Variants in MAP3K6 observed in about 807,000 individuals in gnomAD.
MAP3K6 encodes apoptosis signal-regulating kinase 2.
MAP3K6 carries 105 observed loss-of-function variants against 147.1 expected under a neutral mutation model. The observed-to-expected ratio is 0.71, with a 90% CI of 0.61 to 0.84. MAP3K6 has a LOEUF of 0.84. MAP3K6 is among the 40% of genes least tolerant of loss of function. The pLI is 0.00. For synonymous variants in MAP3K6, 695 were observed against 732.4 expected (o/e 0.95, Z 0.82); for missense variants, 1,569 against 1,715.0 (o/e 0.91, Z 1.50).
In MAP3K6 at chr1:27,356,597, T is replaced by C. The variant is rs749748588; in HGVS notation, c.3517A>G (p.Thr1173Ala). 4 of 1,612,648 alleles carry C rather than the reference T, an allele frequency of 2.5e-6. No individual in the cohort carries two copies. The highest frequency in any genetic ancestry group is 3.4e-6 in the Non-Finnish European group (4 of 1,179,296). The change falls in exon 25 of 29, where the codon ACT becomes GCT. Residue 1173 changes from threonine (T) to alanine (A), a missense_variant. Thr to Ala is a moderately conservative substitution (Grantham distance 58). Coordinates refer to ENST00000357582, the MANE Select transcript of MAP3K6 (RefSeq NM_004672.5). Reference sequence around the variant, plus strand: ...GATTCCAAGGGGCTTTACCGATCAGTCTCTGCCCTCAAGAGGCTCAGCTGC... The same window carrying C: ...GATTCCAAGGGGCTTTACCGATCAGCCTCTGCCCTCAAGAGGCTCAGCTGC... ...MVQLSLLRAE[T>A]DRLREILAGK... is the part of the protein sequence containing the mutation.
intron 27 of MAP3K6, 110 bp from the exon 28 acceptor site, chr1:27,355,855 C>T: frequency 7.6e-6 from 9 of 1,191,072 alleles, no homozygotes; most frequent in Non-Finnish European, 1.1e-5. Context: ...AGGCAGATCA[C>T]ACCCTTCTGG....
At position 27,360,691 on chromosome 1, in the gene MAP3K6, G is replaced by A. The variant is rs751950539; in HGVS notation, c.2054+14C>T. 4 of 1,607,854 alleles carry A rather than the reference G, an allele frequency of 2.5e-6. No individual in the cohort carries two copies. Among genetic ancestry groups the A allele is most frequent in the Non-Finnish European group, 3.4e-6 (4 of 1,177,848 alleles). On this transcript the variant is annotated intron_variant, in intron 15 of 28. Coordinates refer to ENST00000357582, the MANE Select transcript of MAP3K6 (RefSeq NM_004672.5). The surrounding 1 kb of genome is among the most constrained non-coding windows in gnomAD (Gnocchi z 4.5). ...GCGAGCCCTCAGCCCCACCCGCGCT[G>A]CCACGCACCGCACCTGCTGTCCCGC... is the stretch of plus-strand genomic sequence containing the variant.
chr1:27,361,444 G>T (rs1290328441), intron 11 of MAP3K6, 49 bp from the exon 12 acceptor site: 3 of 1,610,762 alleles, frequency 1.9e-6, no homozygotes, highest in South Asian at 2.2e-5. Context: ...ACAGGAGAGG[G>T]GTCTGAGGAT....
At chr1:27,365,916 C>T (rs1241011288) in intron 1 of MAP3K6, among the ~76,000 whole-genome samples, 1 of 151,568 alleles carries the variant, frequency 6.6e-6, no homozygotes, top group Non-Finnish European at 1.5e-5. Context: ...TGAGACACCA[C>T]AGCCCCGCGC....
chr1:27,362,688 A>G lies in MAP3K6; in HGVS notation c.1208T>C (p.Ile403Thr), dbSNP rs759167316. 1.3e-5 allele frequency: 21 copies of G among 1,608,364 alleles called. No homozygotes were observed. The East Asian group carries it at 4.5e-4, about 34-fold the overall frequency. ...ATCCTCAAAGTGCTGCCCGGCAGCA[A>G]TGAGGAGCACAGCTGCATTGATGCC... is the stretch of plus-strand genomic sequence containing the variant. ...HSGINAAVLL[I>T]AAGQHFEDSK... The change falls in exon 8 of 29, where the codon ATT (isoleucine) becomes ACT (threonine). Residue 403 changes from isoleucine (I) to threonine (T), a missense_variant. Physicochemically the swap from Ile to Thr is moderately conservative, Grantham distance 89. Coordinates refer to ENST00000357582, the MANE Select transcript of MAP3K6 (RefSeq NM_004672.5).
chr1:27,366,499 C>T lies in MAP3K6; in HGVS notation c.99G>A (p.Ala33=). ...TCCGCGCGCAGCCCCGGCCCGGGGGCGCCGCGAGCTGCCGGCCCCGGCTCA... is the reference window on the plus strand; with the variant it reads ...TCCGCGCGCAGCCCCGGCCCGGGGGTGCCGCGAGCTGCCGGCCCCGGCTCA... ...VALSRGRQLA[A]PPGRGCARSR... Residue 33 remains alanine (A), a synonymous_variant, in exon 1 of 29, where the codon GCG becomes GCA. Coordinates refer to ENST00000357582, the MANE Select transcript of MAP3K6 (RefSeq NM_004672.5). The surrounding 1 kb of genome is among the most constrained non-coding windows in gnomAD (Gnocchi z 5.5). 8.9e-7 allele frequency: 1 copy of T among 1,123,142 alleles called. No homozygotes were observed. The highest frequency in any genetic ancestry group is 1.1e-6 in the Non-Finnish European group (1 of 919,458). The allele number at this position is 1,123,142 out of a possible 1,614,324, so 69.6% of individuals were successfully genotyped here.
intron 8 of MAP3K6, 108 bp downstream of exon 8, chr1:27,362,533 T>C: frequency 2.2e-6 from 2 of 918,340 alleles, no homozygotes; most frequent in Non-Finnish European, 3.3e-6. Flanking sequence ...CAGTCCAAAA[T>C]GGATGAGCTC....
rs762245193 is a variant in MAP3K6, at chr1:27,361,511, C to T, written c.1686+9G>A. ...AAAGGTGAGTGAGGGGCCTCAGCAG[C>T]GACTTCACCTGGGTCTCAGGCTCCA... On this transcript the variant is annotated intron_variant, in intron 11 of 28. Coordinates refer to ENST00000357582, the MANE Select transcript of MAP3K6 (RefSeq NM_004672.5). 24 of 1,613,876 alleles carry T rather than the reference C, an allele frequency of 1.5e-5. No individual in the cohort carries two copies. Among genetic ancestry groups the T allele is most frequent in the Middle Eastern group, 3.3e-4 (2 of 6,060 alleles).
chr1:27,364,385 C>A lies in MAP3K6; in HGVS notation c.514G>T (p.Gly172Cys). 6.2e-7 allele frequency: 1 copy of A among 1,613,942 alleles called. No homozygotes were observed. ...ACATAGGGGATCAGTGTGTAGCTGC[C>A]AACGCAATCCTGGTGGGAGGGAGGC... ...DVFQKNSDCV[G>C]SYTLIPYVVT... Residue 172 changes from glycine (G) to cysteine (C), a missense_variant, in exon 4 of 29, where the codon GGC becomes TGC. Coordinates refer to ENST00000357582, the MANE Select transcript of MAP3K6 (RefSeq NM_004672.5). This position sits in a 1 kb window ranked among gnomAD's most constrained non-coding sequence, Gnocchi z 4.4.
In MAP3K6 at chr1:27,355,757, C is replaced by A; in HGVS notation, c.3712-12G>T. On this transcript the variant is annotated splice_polypyrimidine_tract_variant and intron_variant, in intron 27 of 28. Transcript: ENST00000357582. ...CTATGGTTCAACAGCTGGATGTGGT[C>A]AAAGACCCGCAGAAAGAGGGAAATA... 2 of 1,611,354 alleles carry A rather than the reference C, an allele frequency of 1.2e-6. No individual in the cohort carries two copies. Among genetic ancestry groups the A allele is most frequent in the Non-Finnish European group, 1.7e-6 (2 of 1,177,724 alleles).
At position 27,360,505 on chromosome 1, in the gene MAP3K6, T is replaced by G. The variant is rs565794378; in HGVS notation, c.2055-137A>C. 8.1e-6 allele frequency: 7 copies of G among 865,268 alleles called. No homozygotes were observed. The highest frequency in any genetic ancestry group is 1.0e-5 in the Non-Finnish European group (7 of 691,886). The allele number at this position is 865,268 out of a possible 1,614,324, so 53.6% of individuals were successfully genotyped here. A position where few individuals can be genotyped will look rare whatever the true frequency, so the allele number is the denominator to read the frequency against. On this transcript the variant is annotated intron_variant, in intron 15 of 28. Transcript: ENST00000357582. The surrounding 1 kb of genome is among the most constrained non-coding windows in gnomAD (Gnocchi z 4.5). ...CCGACCTTCCCCACCCTTACTACCC[T>G]GCCCACAGGACCCTCCAGACCTCAA... is the stretch of plus-strand genomic sequence containing the variant.
chr1:27,365,024 T>C, intron 1 of MAP3K6, 112 bp from the exon 2 acceptor site: 1 of 1,214,050 alleles, frequency 8.2e-7, no homozygotes, highest in South Asian at 1.6e-5. Flanking sequence ...TAGGGTCTGG[T>C]TCTGCTTTGG....
intron 5 of MAP3K6, 132 bp from the exon 6 acceptor site, chr1:27,363,680 A>G: frequency 1.3e-6 from 1 of 797,962 alleles, no homozygotes; most frequent in Admixed American, 2.8e-5. Context: ...GGCCCAGCGG[A>G]CACACCTCAC....
Position 27,357,456 on chromosome 1 carries a change from C to A in MAP3K6, c.3202G>T (p.Ala1068Ser). The A allele has an allele frequency of 6.2e-7, 1 of 1,613,512 alleles. No homozygotes were observed. Among genetic ancestry groups the A allele is most frequent in the Non-Finnish European group, 8.5e-7 (1 of 1,179,806 alleles). Residue 1068 changes from alanine (A) to serine (S), a missense_variant, in exon 23 of 29, where the codon GCC (alanine) becomes TCC (serine). Coordinates refer to ENST00000357582, the MANE Select transcript of MAP3K6 (RefSeq NM_004672.5). ...ELRALQGRLR[A>S]QGLGPALLHR... ...AGAAGCGCAGGCCCAAGGCCCTGGG[C>A]CCTCAGCCGTCCTTGCAGCGCCCGC...
In MAP3K6 at chr1:27,363,508, G is replaced by A. The variant is rs779367921; in HGVS notation, c.905C>T (p.Ala302Val). The A allele has an allele frequency of 1.9e-5, 31 of 1,613,438 alleles. No individual in the cohort carries two copies. Among genetic ancestry groups the A allele is most frequent in the Middle Eastern group, 1.7e-4 (1 of 6,036 alleles). ...AIIELVETLQALPTCDVAEQH... is the reference protein window; with the variant it reads ...AIIELVETLQVLPTCDVAEQH... The stretch of plus-strand genomic sequence containing the variant: ...CTCGGCCACATCACAGGTGGGCAAG[G>A]CCTGCAGCGTCTCCACCAGCTCAAT... Residue 302 changes from alanine (A) to valine (V), a missense_variant, in exon 6 of 29, where the codon GCC (alanine) becomes GTC (valine). Transcript: ENST00000357582.
In MAP3K6 at chr1:27,363,075, A is replaced by G. The variant is rs142174258; in HGVS notation, c.972-54T>C. Reference sequence around the variant, plus strand: ...CTGATGGCCCTGGCCTACTCTGTCCAGGGACCTCTAGACACTGAACCAGCA... The same window carrying G: ...CTGATGGCCCTGGCCTACTCTGTCCGGGGACCTCTAGACACTGAACCAGCA... On this transcript the variant is annotated intron_variant, in intron 6 of 28. Transcript: ENST00000357582. 4.2e-4 allele frequency: 634 copies of G among 1,520,744 alleles called. 3 individuals are homozygous for G. In the African/African-American group the frequency reaches 7.9e-3, roughly 19 times the overall value. The allele number at this position is 1,520,744 out of a possible 1,614,324, so 94.2% of individuals were successfully genotyped here. A position where few individuals can be genotyped will look rare whatever the true frequency, so the allele number is the denominator to read the frequency against.
chr1:27,360,524 A>T lies in MAP3K6; in HGVS notation c.2055-156T>A, dbSNP rs534414418. Reference sequence around the variant, plus strand: ...CTACCCTGCCCACAGGACCCTCCAGACCTCAATCCCGCCCGCACGGTCCTG... The same window carrying T: ...CTACCCTGCCCACAGGACCCTCCAGTCCTCAATCCCGCCCGCACGGTCCTG... On this transcript the variant is annotated intron_variant, in intron 15 of 28. Transcript: ENST00000357582. This position sits in a 1 kb window ranked among gnomAD's most constrained non-coding sequence, Gnocchi z 4.5. Among the ~76,000 whole-genome samples the T allele has an allele frequency of 1.5e-3, 211 of 144,286 alleles. 2 individuals are homozygous for T. Among genetic ancestry groups the T allele is most frequent in the Middle Eastern group, 0.011 (3 of 284 alleles). The allele number at this position is 144,286 out of a possible 152,430, so 94.7% of individuals were successfully genotyped here.
rs761988271 is a variant in MAP3K6 at position 27,364,325 on chromosome 1, C to A, written c.574G>T (p.Ala192Ser). 1 of 1,614,124 alleles carries A rather than the reference C, an allele frequency of 6.2e-7. No homozygotes were observed. Among genetic ancestry groups the A allele is most frequent in the African/African-American group, 1.3e-5 (1 of 75,068 alleles). The change falls in exon 4 of 29, where the codon GCA becomes TCA. Residue 192 changes from alanine to serine, a missense_variant. By Grantham distance (99) the Ala-to-Ser change is moderately conservative. Transcript: ENST00000357582. The surrounding 1 kb of genome is among the most constrained non-coding windows in gnomAD (Gnocchi z 4.4). ...TCAGCCAGGCCCCGCAGAAGGCCTGCATCACCACACAGCACCCGACCAGTG... is the reference window on the plus strand; with the variant it reads ...TCAGCCAGGCCCCGCAGAAGGCCTGAATCACCACACAGCACCCGACCAGTG... ...TATGRVLCGD[A>S]GLLRGLADGL...
At position 27,358,264 on chromosome 1, in the gene MAP3K6, T is replaced by C. The variant is rs964581923; in HGVS notation, c.2832A>G (p.Thr944=). ...PSANSTTQSQ[T]FPCPQAPSQH... ...GAGAGGGTGCCTGAGGGCACGGGAA[T>C]GTCTGAGACTGGGTGGTTGAGTTGG... The change falls in exon 21 of 29, where the codon ACA becomes ACG. Residue 944 remains threonine (T), a synonymous_variant. Coordinates refer to ENST00000357582, the MANE Select transcript of MAP3K6 (RefSeq NM_004672.5). The surrounding 1 kb of genome is among the most constrained non-coding windows in gnomAD (Gnocchi z 6.2). 5 of 1,603,394 alleles carry C rather than the reference T, an allele frequency of 3.1e-6. No individual in the cohort carries two copies. In the Admixed American group the frequency reaches 5.4e-5, roughly 17 times the overall value.
Sources: allele counts gnomAD v4.1 joint callset (sites outside exome capture counted in the v4.1 genomes callset), GRCh38; gene constraint gnomAD v4.1.1; non-coding constraint Gnocchi (gnomAD v3.1); transcripts MANE v1.5; gene names NCBI Gene and HGNC (gene_info 2026-07-23, HGNC 2026-07-21).